Variants in MYH6 observed in about 807,000 individuals in gnomAD.
MYH6 encodes myosin heavy chain 6.
A neutral mutation model predicts 223.2 loss-of-function variants in MYH6; 126 were observed. That is an observed-to-expected ratio of 0.56 (90% CI 0.49 to 0.65). The LOEUF (loss-of-function observed/expected upper bound fraction) is 0.65. MYH6 is among the 30% of genes least tolerant of loss of function. MYH6 has a pLI of 0.00. For missense variants in MYH6, 2,040 were observed against 2,536.4 expected, an observed-to-expected ratio of 0.80 and a Z score of 4.20; for synonymous variants, 978 against 1,010.2, an observed-to-expected ratio of 0.97 and a Z score of 0.61.
At chr14:23,397,929 C>CTCCTCCTCCTCCTCCTCCTCT (rs1566512239) in intron 15 of MYH6, among the ~76,000 whole-genome samples, 1 of 123,054 alleles carries the variant, frequency 8.1e-6, no homozygotes, top group African/African-American at 3.3e-5. Flanking sequence ...CCTCCTCCTC[C>CTCCTCCTCCTCCTCCTCCTCT]TCCTCTTCTT....
At chr14:23,382,285 A>G (rs1358068923) in intron 38 of MYH6, 143 bp downstream of exon 38, 1 of 1,331,264 alleles carries the variant, frequency 7.5e-7, no homozygotes, top group East Asian at 2.3e-5. Flanking sequence ...TTTGAGCAGG[A>G]GAGTGGATTC....
chr14:23,404,677 C>T (rs1184030382), intron 7 of MYH6, 34 bp downstream of exon 7: 8 of 1,597,844 alleles, frequency 5.0e-6, no homozygotes, highest in Non-Finnish European at 6.9e-6. Context: ...GCCCCCCAAC[C>T]CCTGTTCTGC....
Position 23,396,832 on chromosome 14 carries a change from G to A in MYH6, c.2169-15C>T, listed in dbSNP as rs1400221869. On this transcript the variant is annotated splice_polypyrimidine_tract_variant and intron_variant, in intron 18 of 38. Transcript: ENST00000405093. ...GGATGCGATACCTGAGGAGGGAAGT[G>A]TCCAGAGTCACCCATGCTCTGCAGT... The A allele has an allele frequency of 1.2e-6, 2 of 1,613,952 alleles. No individual in the cohort carries two copies. Among genetic ancestry groups the A allele is most frequent in the Non-Finnish European group, 8.5e-7 (1 of 1,179,878 alleles).
chr14:23,407,277 C>T lies in MYH6; in HGVS notation c.-13-41G>A, dbSNP rs28730780. The T allele has an allele frequency of 6.4e-3, 10,223 of 1,608,342 alleles. 578 individuals carry two copies. In the African/African-American group the frequency reaches 0.12, roughly 19 times the overall value. ...GAGGGCTATGTTACTCCTGAGGGAG[C>T]CCAGGCTCCAGCGAGTGGCTTTGTC... On this transcript the variant is annotated intron_variant, in intron 2 of 38. Transcript: ENST00000405093. The surrounding 1 kb of genome is among the most constrained non-coding windows in gnomAD (Gnocchi z 5.6).
chr14:23,398,624 C>T (rs1029133235), intron 15 of MYH6, 104 bp downstream of exon 15: 13 of 1,379,880 alleles, frequency 9.4e-6, no homozygotes, highest in Non-Finnish European at 1.3e-5. Context: ...GACTCATGGG[C>T]TCCCCTGTGC....
chr14:23,391,176 A>G (rs745706750), intron 25 of MYH6, among the ~76,000 whole-genome samples: 12 of 152,196 alleles, frequency 7.9e-5, no homozygotes, highest in Admixed American at 2.6e-4. Context: ...TTGTCTGGCT[A>G]GCCAGGAGCA....
chr14:23,392,659 G>GTT lies in MYH6; in HGVS notation c.3252-8_3252-7insAA. 7.6e-7 allele frequency: 1 copy of GTT among 1,308,892 alleles called. No individual in the cohort carries two copies. Among genetic ancestry groups the GTT allele is most frequent in the Non-Finnish European group, 1.1e-6 (1 of 904,892 alleles). 81.1% of individuals were successfully genotyped at this position (1,308,892 alleles called of 1,614,324 possible). A position where few individuals can be genotyped will look rare whatever the true frequency, so the allele number is the denominator to read the frequency against. Reference sequence around the variant, plus strand: ...ATTAATGTCAAACTCCTTCCTGCAGGAGAAGGGTGGGGGTGGGGGAGTGAC... The same window carrying GTT: ...ATTAATGTCAAACTCCTTCCTGCAGGTTAGAAGGGTGGGGGTGGGGGAGTGAC... On this transcript the variant is annotated splice_polypyrimidine_tract_variant and splice_region_variant and intron_variant, in intron 24 of 38. Coordinates refer to ENST00000405093, the MANE Select transcript of MYH6 (RefSeq NM_002471.4).
intron 34 of MYH6, 108 bp from the exon 35 acceptor site, chr14:23,385,149 A>G (rs1890983300): frequency 5.1e-6 from 7 of 1,382,146 alleles, no homozygotes; most frequent in Non-Finnish European, 6.1e-6. Flanking sequence ...TTTTAAAACA[A>G]CAAGCCCACT....
Position 23,388,876 on chromosome 14 carries a change from C to T in MYH6, c.4158G>A (p.Glu1386=). ...GAGCTCACTTGGCCTCTTCGAGCTC[C>T]TCAGTCCGCTGAATGGCGTCCGTCT... ...KYETDAIQRT[E]ELEEAKKKLA... is the part of the protein sequence containing the mutation. Residue 1386 remains glutamate (E), a synonymous_variant, in exon 29 of 39, where the codon GAG becomes GAA. Coordinates refer to ENST00000405093, the MANE Select transcript of MYH6 (RefSeq NM_002471.4). The T allele has an allele frequency of 6.2e-7, 1 of 1,613,842 alleles. No individual in the cohort carries two copies. Among genetic ancestry groups the T allele is most frequent in the Non-Finnish European group, 8.5e-7 (1 of 1,180,038 alleles).
intron 9 of MYH6, 25 bp from the exon 10 acceptor site, chr14:23,403,471 G>C: frequency 6.3e-7 from 1 of 1,591,572 alleles, no homozygotes; most frequent in Non-Finnish European, 8.6e-7. Context: ...GGGGAGGAAG[G>C]CAGGTGAGGA....
intron 29 of MYH6, 78 bp downstream of exon 29, chr14:23,388,781 C>T: frequency 6.2e-7 from 1 of 1,603,470 alleles, no homozygotes. Context: ...GTCTCATGAC[C>T]ACTTTGCCTG....
At position 23,393,023 on chromosome 14, in the gene MYH6, C is replaced by A; in HGVS notation, c.3140G>T (p.Arg1047Leu). Reference protein sequence around the residue: ...EGSLEQEKKVRMDLERAKRKL... With the variant: ...EGSLEQEKKVLMDLERAKRKL... ...CCGCTTTGCTCGCTCCAGGTCCATG[C>A]GCACCTTCTTCTCTTGCTCTAGGGA... The change falls in exon 24 of 39, where the codon CGC (arginine) becomes CTC (leucine). Residue 1047 changes from arginine (R) to leucine (L), a missense_variant. Around this residue, in one of 4 missense-constraint regions of MYH6, gnomAD observed 1,203 missense variants for 1,400.2 expected, o/e 0.86. Transcript: ENST00000405093. 1 of 1,614,170 alleles carries A rather than the reference C, an allele frequency of 6.2e-7. No homozygotes were observed. The highest frequency in any genetic ancestry group is 8.5e-7 in the Non-Finnish European group (1 of 1,180,046).
intron 34 of MYH6, 132 bp downstream of exon 34, chr14:23,385,796 T>TGAGA: frequency 7.8e-7 from 1 of 1,276,586 alleles, no homozygotes. Context: ...CCACCACAGA[T>TGAGA]GAGAGTTGGC....
In MYH6 at chr14:23,390,092, C is replaced by T. The variant is rs144761217; in HGVS notation, c.3697G>A (p.Val1233Ile). 1.4e-5 allele frequency: 22 copies of T among 1,612,844 alleles called. No individual in the cohort carries two copies. The highest frequency in any genetic ancestry group is 5.3e-5 in the African/African-American group (4 of 74,776). The change falls in exon 26 of 39, where the codon GTC becomes ATC. Residue 1233 changes from valine (V) to isoleucine (I), a missense_variant. This residue lies in a region of MYH6 where 1,203 missense variants were observed against 1,400.2 expected (regional missense o/e 0.86). Transcript: ENST00000405093. Reference sequence around the variant, plus strand: ...ATGATCTGCTCCATGTTGGAGGTGACGTCATCCAGCTCCAGCTTGAACTCG... The same window carrying T: ...ATGATCTGCTCCATGTTGGAGGTGATGTCATCCAGCTCCAGCTTGAACTCG... ...KSEFKLELDD[V>I]TSNMEQIIKA...
Position 23,407,586 on chromosome 14 carries a change from C to T in MYH6, c.-24G>A. ...GGGGGCAGTTCTCACCTGGTTATCC[C>T]TTCACGGAGAATCCTGAAGAATCTG... On this transcript the variant is annotated 5_prime_UTR_variant, in exon 2 of 39. Coordinates refer to ENST00000405093, the MANE Select transcript of MYH6 (RefSeq NM_002471.4). This position sits in a 1 kb window ranked among gnomAD's most constrained non-coding sequence, Gnocchi z 5.6. The T allele has an allele frequency of 8.4e-7, 1 of 1,187,096 alleles. No individual in the cohort carries two copies. Among genetic ancestry groups the T allele is most frequent in the Non-Finnish European group, 1.1e-6 (1 of 946,664 alleles). The allele number at this position is 1,187,096 out of a possible 1,614,324, so 73.5% of individuals were successfully genotyped here. A position where few individuals can be genotyped will look rare whatever the true frequency, so the allele number is the denominator to read the frequency against.
Position 23,387,507 on chromosome 14 carries a change from G to A in MYH6, c.4650+22C>T, listed in dbSNP as rs767994631. 6.8e-6 allele frequency: 11 copies of A among 1,611,866 alleles called. No individual in the cohort carries two copies. The South Asian group carries it at 1.1e-4, about 16-fold the overall frequency. ...GACAGCGGCAGAACAGGGATGGGGT[G>A]CAGGGAGTTCTCGGCCCTCACCTCT... On this transcript the variant is annotated intron_variant, in intron 32 of 38. Transcript: ENST00000405093.
At chr14:23,382,989 G>A (rs1890905415) in intron 37 of MYH6, among the ~76,000 whole-genome samples, 1 of 151,322 alleles carries the variant, frequency 6.6e-6, no homozygotes, top group Non-Finnish European at 1.5e-5. Context: ...TCCTGCACTA[G>A]CATCTACACT....
Position 23,393,010 on chromosome 14 carries a change from C to T in MYH6, c.3153G>A (p.Glu1051=). ...EQEKKVRMDL[E]RAKRKLEGDL... ...CGCCCTCCAGTTTCCGCTTTGCTCG[C>T]TCCAGGTCCATGCGCACCTTCTTCT... Residue 1051 remains glutamate, a synonymous_variant, in exon 24 of 39, where the codon GAG becomes GAA. Transcript: ENST00000405093. 1.2e-6 allele frequency: 2 copies of T among 1,614,232 alleles called. No individual in the cohort carries two copies. The highest frequency in any genetic ancestry group is 1.7e-6 in the Non-Finnish European group (2 of 1,180,044).
chr14:23,394,193 T>C lies in MYH6; in HGVS notation c.2560A>G (p.Met854Val). 6.2e-7 allele frequency: 1 copy of C among 1,614,252 alleles called. No homozygotes were observed. The highest frequency in any genetic ancestry group is 8.5e-7 in the Non-Finnish European group (1 of 1,180,034). ...TTGATGCGCCCGAACTCTTCCTTCA[T>C]GGTGGCCATCTCCTTCTCCGTCTCT... The part of the protein sequence containing the change: ...SAETEKEMAT[M>V]KEEFGRIKET... The change falls in exon 21 of 39, where the codon ATG becomes GTG. Residue 854 changes from methionine to valine, a missense_variant. This residue lies in a region of MYH6 where 649 missense variants were observed against 877.3 expected (regional missense o/e 0.74). Transcript: ENST00000405093.
Sources: gnomAD v4.1 joint callset for allele counts (sites outside exome capture counted in the v4.1 genomes callset) on GRCh38, gnomAD v4.1.1 for gene constraint, gnomAD v4.1.1 regional missense constraint, Gnocchi (gnomAD v3.1) non-coding constraint, MANE v1.5 for transcripts, NCBI Gene and HGNC (gene_info 2026-07-23, HGNC 2026-07-21) for gene names.